BMPR2: variants seen among roughly 807,000 people sequenced by gnomAD.
BMPR2 encodes the protein bone morphogenetic protein receptor type-2.
A neutral mutation model predicts 100.8 loss-of-function variants in BMPR2; 29 were observed. The observed-to-expected ratio is 0.29, with a 90% CI of 0.21 to 0.39. BMPR2 has a LOEUF of 0.39. Among genes scored for constraint, BMPR2 ranks in the 10% least tolerant of loss-of-function variants. The pLI is 1.00. For missense variants in BMPR2, 1,011 were observed against 1,274.5 expected (o/e 0.79, Z 3.15); for synonymous variants, 382 against 442.3 (o/e 0.86, Z 1.71).
chr2:202,420,966 G>A (rs938462403), intron 1 of BMPR2, among the ~76,000 whole-genome samples: 2 of 151,792 alleles, frequency 1.3e-5, no homozygotes, highest in African/African-American at 2.4e-5. Flanking sequence ...AAGAGAAATT[G>A]AGGCCAGCCA....
chr2:202,407,882 G>A (rs181372037), intron 1 of BMPR2, among the ~76,000 whole-genome samples: 66 of 150,692 alleles, frequency 4.4e-4, no homozygotes, highest in Non-Finnish European at 8.4e-4. Flanking sequence ...AGCCCAGGCT[G>A]AAGTGCAGTG....
At chr2:202,455,521 A>G (rs1453007512) in intron 1 of BMPR2, among the ~76,000 whole-genome samples, 1 of 152,240 alleles carries the variant, frequency 6.6e-6, no homozygotes, top group Non-Finnish European at 1.5e-5. Context: ...CATGATAGCT[A>G]TTGATACACA....
intron 3 of BMPR2, among the ~76,000 whole-genome samples, chr2:202,502,403 CAGAA>C (rs1163065722): frequency 6.6e-6 from 1 of 151,526 alleles, no homozygotes; most frequent in Non-Finnish European, 1.5e-5. Flanking sequence ...ACAAAGAAGT[CAGAA>C]AGAGGAACAG....
At chr2:202,558,051 G>T (rs899063347) in intron 12 of BMPR2, among the ~76,000 whole-genome samples, 1 of 152,122 alleles carries the variant, frequency 6.6e-6, no homozygotes, top group Admixed American at 6.5e-5. Flanking sequence ...AGGCACGGTG[G>T]CTCACGCCTG....
Position 202,411,147 on chromosome 2 carries a change from G to A in BMPR2, c.76+33597G>A, listed in dbSNP as rs569094748. Among the ~76,000 whole-genome samples, 3 of 152,248 alleles carry A rather than the reference G, an allele frequency of 2.0e-5. No homozygotes were observed. In the East Asian group the frequency reaches 5.8e-4, roughly 29 times the overall value. On this transcript the variant is annotated intron_variant, in intron 1 of 12. Transcript: ENST00000374580. ...GTATTTAAATAGGCTCTAAGTATCT[G>A]CCCTACAAAATACTTATTCATTACA...
intron 6 of BMPR2, among the ~76,000 whole-genome samples, chr2:202,519,698 C>G (rs989916503): frequency 5.3e-5 from 8 of 152,088 alleles, no homozygotes; most frequent in Non-Finnish European, 1.2e-4. Context: ...TGAGTGGCAC[C>G]AATACATAAA....
At chr2:202,465,218 G>A (rs1225401237) in intron 2 of BMPR2, among the ~76,000 whole-genome samples, 2 of 151,982 alleles carry the variant, frequency 1.3e-5, no homozygotes, top group East Asian at 1.9e-4. Context: ...GTGAAACCCC[G>A]TCTCTACTAA....
At chr2:202,559,463 T>A (rs918777247) in intron 12 of BMPR2, among the ~76,000 whole-genome samples, 2 of 152,210 alleles carry the variant, frequency 1.3e-5, no homozygotes, top group African/African-American at 4.8e-5. Context: ...GTGTGTGTTT[T>A]CCCTTGCCTT....
intron 1 of BMPR2, among the ~76,000 whole-genome samples, chr2:202,384,033 G>C (rs892307136): frequency 6.6e-6 from 1 of 151,864 alleles, no homozygotes; most frequent in Non-Finnish European, 1.5e-5. Flanking sequence ...TTACCCGGGC[G>C]TGGTGGCGGG....
intron 1 of BMPR2, among the ~76,000 whole-genome samples, chr2:202,421,351 A>C (rs1176241325): frequency 6.6e-6 from 1 of 151,348 alleles, no homozygotes; most frequent in Non-Finnish European, 1.5e-5. Flanking sequence ...GTCAGGACCT[A>C]TTTGCAGATG....
At chr2:202,514,760 C>A in intron 4 of BMPR2, 128 bp from the exon 5 acceptor site, 1 of 753,624 alleles carries the variant, frequency 1.3e-6, no homozygotes, top group Non-Finnish European at 2.3e-6. Flanking sequence ...CTCCTATTGA[C>A]ATTAGGCATA....
At chr2:202,456,681 A>C (rs775027438) in intron 1 of BMPR2, among the ~76,000 whole-genome samples, 1 of 151,256 alleles carries the variant, frequency 6.6e-6, no homozygotes, top group Non-Finnish European at 1.5e-5. Flanking sequence ...CACCCGGCTA[A>C]TTTTTGTATT....
chr2:202,440,641 C>G (rs1000562857), intron 1 of BMPR2, among the ~76,000 whole-genome samples: 1 of 150,480 alleles, frequency 6.6e-6, no homozygotes, highest in African/African-American at 2.5e-5. Context: ...GAGGTTGTAG[C>G]GAGCCGAGAT....
rs530181389 is a variant in BMPR2, at chr2:202,376,548, A to G, written c.-927A>G. Among the ~76,000 whole-genome samples the G allele has an allele frequency of 5.9e-3, 692 of 117,236 alleles. 2 individuals are homozygous for G. Among genetic ancestry groups the G allele is most frequent in the Middle Eastern group, 0.019 (5 of 260 alleles). The allele number at this position is 117,236 out of a possible 152,430, so 76.9% of individuals were successfully genotyped here. A position where few individuals can be genotyped will look rare whatever the true frequency, so the allele number is the denominator to read the frequency against. ...CGGCGGCGGCGGCGGCGGCGGCGGC[A>G]GCAGCAGCGGCTTCCTCGGGGGGTT... On this transcript the variant is annotated 5_prime_UTR_variant, in exon 1 of 13. Transcript: ENST00000374580.
In BMPR2 at chr2:202,561,445, C is replaced by T. The variant is rs1457283471; in HGVS notation, c.*1499C>T. On this transcript the variant is annotated 3_prime_UTR_variant, in exon 13 of 13. Coordinates refer to ENST00000374580, the MANE Select transcript of BMPR2 (RefSeq NM_001204.7). Reference sequence around the variant, plus strand: ...TACTTATAATCTCCTCTAAAACAACCTCTGCATGTTTTTTTTAAATAAAGC... The same window carrying T: ...TACTTATAATCTCCTCTAAAACAACTTCTGCATGTTTTTTTTAAATAAAGC... The T allele has an allele frequency of 6.6e-6, 1 of 151,988 alleles. No homozygotes were observed. The highest frequency in any genetic ancestry group is 1.5e-5 in the Non-Finnish European group (1 of 67,962). The allele number at this position is 151,988 out of a possible 1,614,324, so 9.4% of individuals were successfully genotyped here.
chr2:202,393,908 A>C (rs890707784), intron 1 of BMPR2, among the ~76,000 whole-genome samples: 1 of 150,796 alleles, frequency 6.6e-6, no homozygotes, highest in African/African-American at 2.4e-5. Flanking sequence ...AGAGAGAGAG[A>C]GAGAGAGAGA....
At chr2:202,536,888 A>AAG (rs946648174) in intron 9 of BMPR2, among the ~76,000 whole-genome samples, 3 of 151,614 alleles carry the variant, frequency 2.0e-5, no homozygotes, top group African/African-American at 4.9e-5. Context: ...AAAAAAAAAA[A>AAG]AAGAAGTACT....
intron 11 of BMPR2, among the ~76,000 whole-genome samples, chr2:202,553,598 G>A (rs1201225401): frequency 6.6e-6 from 1 of 151,890 alleles, no homozygotes; most frequent in Non-Finnish European, 1.5e-5. Flanking sequence ...CTTTCAGAAA[G>A]GCATCCAGGA....
intron 1 of BMPR2, among the ~76,000 whole-genome samples, chr2:202,400,308 ATTTTTTTTTTT>A (rs35517349): frequency 7.7e-6 from 1 of 130,556 alleles, no homozygotes; most frequent in South Asian, 2.4e-4. Flanking sequence ...TGCCAAGCTA[ATTTTTTTTTTT>A]TTTTTTTTTT....
Sources: gnomAD v4.1 joint callset for allele counts (sites outside exome capture counted in the v4.1 genomes callset) on GRCh38, gnomAD v4.1.1 for gene constraint, MANE v1.5 for transcripts, NCBI Gene and HGNC (gene_info 2026-07-23, HGNC 2026-07-21) for gene names.